The following COL4A1 variants were observed in gnomAD, a reference collection of about 807,000 sequenced individuals.
COL4A1 encodes collagen type IV alpha 1 chain, also known as collagen alpha-1(IV) chain.
In COL4A1, 40 loss-of-function variants were observed where a neutral mutation model predicts 216.6. That is an observed-to-expected ratio of 0.18 (90% CI 0.14 to 0.24). The LOEUF (loss-of-function observed/expected upper bound fraction) is 0.24, where lower values mean the gene tolerates loss of function less well. Ranked by LOEUF, COL4A1 falls within the 10% of genes least tolerant of loss-of-function variation. COL4A1 has a pLI of 1.00. For missense variants in COL4A1, 1,628 were observed against 2,196.8 expected (o/e 0.74, Z 5.18); for synonymous variants, 839 against 810.7 (o/e 1.03, Z -0.59).
chr13:110,289,843 C>T (rs1316160492), intron 1 of COL4A1, among the ~76,000 whole-genome samples: 1 of 152,206 alleles, frequency 6.6e-6, no homozygotes, highest in African/African-American at 2.4e-5. Flanking sequence ...ACCGCTTCTT[C>T]CTCTGTCTTC....
intron 10 of COL4A1, 52 bp from the exon 11 acceptor site, chr13:110,209,479 T>A: frequency 7.9e-7 from 1 of 1,268,672 alleles, no homozygotes; most frequent in Non-Finnish European, 1.1e-6. Flanking sequence ...TAGGGAGCTT[T>A]AAGCCCTTCT....
intron 1 of COL4A1, among the ~76,000 whole-genome samples, chr13:110,279,679 C>T (rs1883554414): frequency 6.6e-6 from 1 of 152,196 alleles, no homozygotes; most frequent in East Asian, 1.9e-4. Flanking sequence ...AAGTGTTTAA[C>T]AGGATTTGCT....
intron 2 of COL4A1, among the ~76,000 whole-genome samples, chr13:110,214,778 G>A (rs1278198262): frequency 1.3e-5 from 2 of 152,038 alleles, no homozygotes; most frequent in African/African-American, 2.4e-5. Flanking sequence ...GCTTGCAGGC[G>A]GCAGATCATG....
At chr13:110,169,929 G>GA (rs1555302274) in intron 42 of COL4A1, among the ~76,000 whole-genome samples, 167 bp from the exon 43 acceptor site, 11 of 140,502 alleles carry the variant, frequency 7.8e-5, no homozygotes, top group East Asian at 4.5e-4. Flanking sequence ...AGGAAGGAAG[G>GA]AGGGAGGGAG....
At chr13:110,219,650 AT>A (rs1880274657) in intron 2 of COL4A1, among the ~76,000 whole-genome samples, 1 of 110,632 alleles carries the variant, frequency 9.0e-6, no homozygotes, top group Non-Finnish European at 1.8e-5. Flanking sequence ...AGTTGAAAAT[AT>A]ATATATATAT....
intron 1 of COL4A1, among the ~76,000 whole-genome samples, chr13:110,282,772 C>T (rs1188728019): frequency 6.6e-6 from 1 of 152,162 alleles, no homozygotes; most frequent in Non-Finnish European, 1.5e-5. Context: ...GTGTTGGCTT[C>T]CAGGGATCAT....
intron 2 of COL4A1, among the ~76,000 whole-genome samples, chr13:110,222,896 G>A (rs1428616631): frequency 6.6e-6 from 1 of 151,390 alleles, no homozygotes; most frequent in Non-Finnish European, 1.5e-5. Context: ...GGCGGAGTGA[G>A]AGAAATCACT....
chr13:110,162,345 G>A lies in COL4A1; in HGVS notation c.4347C>T (p.Thr1449=), dbSNP rs1170553747. The part of the protein sequence containing the change: ...TPSVDHGFLV[T]RHSQTIDDPQ... ...GGTCATCTATTGTTTGACTATGCCT[G>A]GTCACAAGGAAGCCGTGATCAACAG... Residue 1449 remains threonine, a synonymous_variant, in exon 48 of 52, where the codon ACC becomes ACT. Transcript: ENST00000375820. 2 of 1,614,066 alleles carry A rather than the reference G, an allele frequency of 1.2e-6. No homozygotes were observed. The highest frequency in any genetic ancestry group is 1.7e-5 in the Admixed American group (1 of 60,012).
At chr13:110,150,618 C>A (rs575440697) in intron 51 of COL4A1, among the ~76,000 whole-genome samples, 174 bp from the exon 52 acceptor site, 1 of 152,312 alleles carries the variant, frequency 6.6e-6, no homozygotes, top group Admixed American at 6.5e-5. Context: ...ACACACGGTC[C>A]CACGCACACA....
rs1467697666 is a variant in COL4A1, at chr13:110,150,220, T to G, written c.*143A>C. 2.6e-6 allele frequency: 2 copies of G among 773,950 alleles called. No homozygotes were observed. The highest frequency in any genetic ancestry group is 2.2e-6 in the Non-Finnish European group (1 of 450,710). 47.9% of individuals were successfully genotyped at this position (773,950 alleles called of 1,614,324 possible). A position where few individuals can be genotyped will look rare whatever the true frequency, so the allele number is the denominator to read the frequency against. On this transcript the variant is annotated 3_prime_UTR_variant, in exon 52 of 52. Transcript: ENST00000375820. ...TAGAGGTCAATGAAGCAGGGTGTGTTAGTTACGCAAATTCCTATAAGGCAC... is the reference window on the plus strand; with the variant it reads ...TAGAGGTCAATGAAGCAGGGTGTGTGAGTTACGCAAATTCCTATAAGGCAC...
At chr13:110,242,811 G>C (rs1479711555) in intron 1 of COL4A1, 77 bp from the exon 2 acceptor site, 1 of 1,487,986 alleles carries the variant, frequency 6.7e-7, no homozygotes, top group African/African-American at 1.4e-5. Flanking sequence ...AGATGGTTCT[G>C]GCATCTTGAC....
rs767826557 is a variant in COL4A1, at chr13:110,209,968, C to G, written c.615+12G>C. 3.7e-6 allele frequency: 6 copies of G among 1,614,096 alleles called. No homozygotes were observed. The South Asian group carries it at 6.6e-5, about 18-fold the overall frequency. ...AAATGATTGCCTCGGAGAGACAGCCCCCAAAACTTACTGGTGGTCCGGTAA... is the reference window on the plus strand; with the variant it reads ...AAATGATTGCCTCGGAGAGACAGCCGCCAAAACTTACTGGTGGTCCGGTAA... On this transcript the variant is annotated intron_variant, in intron 10 of 51. Transcript: ENST00000375820.
intron 19 of COL4A1, 53 bp downstream of exon 19, chr13:110,201,385 G>A (rs1264881646): frequency 1.6e-6 from 2 of 1,218,734 alleles, no homozygotes; most frequent in Middle Eastern, 2.2e-4. Context: ...GGAAGAGGAG[G>A]AGGAGAGAAG....
At chr13:110,198,076 GGGGTGT>G (rs1462355359) in intron 21 of COL4A1, among the ~76,000 whole-genome samples, 2,514 of 72,336 alleles carry the variant, frequency 0.035, 78 homozygotes, top group African/African-American at 0.099. Context: ...CCTTGTTTCT[GGGGTGT>G]GTGTGTGTGT....
intron 21 of COL4A1, 69 bp from the exon 22 acceptor site, chr13:110,195,187 AT>A: frequency 1.6e-6 from 2 of 1,239,510 alleles, no homozygotes; most frequent in Non-Finnish European, 2.4e-6. Context: ...CTCAACCTCT[AT>A]TATAAAACCA....
chr13:110,297,377 T>C (rs1247150213), intron 1 of COL4A1, among the ~76,000 whole-genome samples: 1 of 152,216 alleles, frequency 6.6e-6, no homozygotes, highest in Non-Finnish European at 1.5e-5. Context: ...GTCACTCATT[T>C]ACCAGTATCG....
In COL4A1 at chr13:110,162,030, C is replaced by T. The variant is rs1877108217; in HGVS notation, c.4462+200G>A. 4.5e-6 allele frequency: 3 copies of T among 661,626 alleles called. No individual in the cohort carries two copies. The South Asian group carries it at 5.1e-5, about 11-fold the overall frequency. 41.0% of individuals were successfully genotyped at this position (661,626 alleles called of 1,614,324 possible). On this transcript the variant is annotated intron_variant, in intron 48 of 51. Coordinates refer to ENST00000375820, the MANE Select transcript of COL4A1 (RefSeq NM_001845.6). ...ATTTCTTGGCTTGCCATTAGTAATA[C>T]AGCAGCTGTTGAACCGATTATTTGT...
chr13:110,166,587 A>G (rs546781049), intron 44 of COL4A1, among the ~76,000 whole-genome samples: 1 of 152,376 alleles, frequency 6.6e-6, no homozygotes, highest in African/African-American at 2.4e-5. Flanking sequence ...TCAAGGAAGA[A>G]AACAGCATTA....
chr13:110,208,295 C>G lies in COL4A1; in HGVS notation c.693+554G>C, dbSNP rs565747128. Reference sequence around the variant, plus strand: ...CCCGGCTCCACACTGCATCTCCTCCCACACCCACTTGGTCCTGGACCTGCC... The same window carrying G: ...CCCGGCTCCACACTGCATCTCCTCCGACACCCACTTGGTCCTGGACCTGCC... On this transcript the variant is annotated intron_variant, in intron 12 of 51. Transcript: ENST00000375820. Among the ~76,000 whole-genome samples, 4 of 152,342 alleles carry G rather than the reference C, an allele frequency of 2.6e-5. No homozygotes were observed. In the South Asian group the frequency reaches 8.3e-4, roughly 32 times the overall value.
Sources: allele counts gnomAD v4.1 joint callset (sites outside exome capture counted in the v4.1 genomes callset), GRCh38; gene constraint gnomAD v4.1.1; transcripts MANE v1.5; gene names NCBI Gene and HGNC (gene_info 2026-07-23, HGNC 2026-07-21).